FBXO38: variants seen among roughly 807,000 people sequenced by gnomAD.
The protein encoded by FBXO38 is F-box only protein 38.
A neutral mutation model predicts 131.9 loss-of-function variants in FBXO38; 53 were observed. That is an observed-to-expected ratio of 0.40 (90% confidence interval 0.32 to 0.51). FBXO38 has a LOEUF of 0.51. FBXO38 is among the 20% of genes least tolerant of loss of function. The pLI, the probability that FBXO38 is intolerant of heterozygous loss-of-function variation, is 0.53. For missense variants in FBXO38, 1,076 were observed against 1,475.6 expected, an observed-to-expected ratio of 0.73 and a Z score of 4.44; for synonymous variants, 452 against 505.6, an observed-to-expected ratio of 0.89 and a Z score of 1.42.
intron 6 of FBXO38, among the ~76,000 whole-genome samples, chr5:148,405,873 C>A (rs571405622): frequency 6.6e-6 from 1 of 152,180 alleles, no homozygotes; most frequent in South Asian, 2.1e-4. Context: ...TGGACAGGAC[C>A]ATATCTTTTG....
In FBXO38 at chr5:148,427,279, A is replaced by G. The variant is rs748950456; in HGVS notation, c.1985A>G (p.Gln662Arg). Residue 662 changes from glutamine (Q) to arginine (R), a missense_variant, in exon 15 of 22, where the codon CAG becomes CGG. This residue lies in a region of FBXO38 where 212 missense variants were observed against 221.2 expected (regional missense o/e 0.96). Transcript: ENST00000340253. ...TCCCATCAGATGGGCCAGTCGAAGC[A>G]GTTTCCCCTCGAGGAAAGCAGCTGT... is the stretch of plus-strand genomic sequence containing the variant. ...YNSHQMGQSK[Q>R]FPLEESSCEK... 10 of 1,614,106 alleles carry G rather than the reference A, an allele frequency of 6.2e-6. No homozygotes were observed. Among genetic ancestry groups the G allele is most frequent in the Non-Finnish European group, 8.5e-6 (10 of 1,180,032 alleles).
At position 148,399,141 on chromosome 5, in the gene FBXO38, A is replaced by T. The variant is rs778024487; in HGVS notation, c.262+9A>T. The T allele has an allele frequency of 3.7e-6, 6 of 1,612,468 alleles. No individual in the cohort carries two copies. The African/African-American group carries it at 8.0e-5, about 22-fold the overall frequency. ...GGAATACATGCCAAGTGGTAAGTGG[A>T]TTTAGTCTGTGAAGTACAGTAGTGT... On this transcript the variant is annotated intron_variant, in intron 3 of 21. Transcript: ENST00000340253.
intron 1 of FBXO38, among the ~76,000 whole-genome samples, chr5:148,389,011 T>C (rs920267049): frequency 2.0e-5 from 3 of 152,222 alleles, no homozygotes; most frequent in Non-Finnish European, 4.4e-5. Context: ...GAGGCCGTTG[T>C]AGAGTTCTTA....
At chr5:148,407,192 A>C (rs1752489334) in intron 7 of FBXO38, among the ~76,000 whole-genome samples, 1 of 152,238 alleles carries the variant, frequency 6.6e-6, no homozygotes, top group Non-Finnish European at 1.5e-5. Flanking sequence ...CAACCCCTTA[A>C]AACCAACAGT....
At chr5:148,392,690 G>T (rs1194922874) in intron 1 of FBXO38, among the ~76,000 whole-genome samples, 4 of 150,928 alleles carry the variant, frequency 2.7e-5, no homozygotes, top group African/African-American at 9.8e-5. Context: ...GGATAAATTA[G>T]CAAAGGAGAC....
At chr5:148,423,792 A>G (rs1243449811) in intron 12 of FBXO38, 3 of 344,220 alleles carry the variant, frequency 8.7e-6, no homozygotes, top group Non-Finnish European at 1.6e-5. Flanking sequence ...ATCCTTTCCC[A>G]TCTGTGATTT....
At chr5:148,427,080 C>G in intron 14 of FBXO38, 133 bp from the exon 15 acceptor site, 3 of 1,042,840 alleles carry the variant, frequency 2.9e-6, no homozygotes, top group Non-Finnish European at 4.1e-6. Flanking sequence ...GTGATGTGAT[C>G]ACAGTTATAC....
At chr5:148,421,764 A>G (rs767815888) in intron 12 of FBXO38, among the ~76,000 whole-genome samples, 1 of 152,220 alleles carries the variant, frequency 6.6e-6, no homozygotes, top group African/African-American at 2.4e-5. Context: ...TCACTAGCCC[A>G]GGGGCATCAC....
chr5:148,433,276 G>A (rs971735686), intron 15 of FBXO38, 148 bp from the exon 16 acceptor site: 3 of 600,204 alleles, frequency 5.0e-6, no homozygotes, highest in African/African-American at 3.7e-5. Flanking sequence ...CAATCCACTG[G>A]AAATACCAAT....
intron 1 of FBXO38, among the ~76,000 whole-genome samples, chr5:148,390,535 C>T (rs1758147454): frequency 6.6e-6 from 1 of 152,128 alleles, no homozygotes; most frequent in Admixed American, 6.5e-5. Context: ...ATAGTTTTAC[C>T]TAAAATTTTG....
rs574674298 is a variant in FBXO38, at chr5:148,424,089, T to C, written c.1710T>C (p.Ile570=). 2.5e-6 allele frequency: 4 copies of C among 1,613,644 alleles called. No homozygotes were observed. In the South Asian group the frequency reaches 4.4e-5, roughly 18 times the overall value. The change falls in exon 13 of 22, where the codon ATT becomes ATC. Residue 570 remains isoleucine, a synonymous_variant. Coordinates refer to ENST00000340253, the MANE Select transcript of FBXO38 (RefSeq NM_205836.3). ...CTCCAGCTCACAGCCAGGCAATTAT[T>C]CCTGTGGATGTTGATGAGGAACAAG... ...NNTPAHSQAI[I]PVDVDEEQAG...
chr5:148,417,481 T>C (rs1470474982), intron 12 of FBXO38, among the ~76,000 whole-genome samples: 1 of 152,182 alleles, frequency 6.6e-6, no homozygotes, highest in Non-Finnish European at 1.5e-5. Context: ...TCTTGAGGTC[T>C]GAGACTTAAC....
Position 148,427,422 on chromosome 5 carries a change from A to G in FBXO38, c.2128A>G (p.Ser710Gly), listed in dbSNP as rs2113627979. Residue 710 changes from serine to glycine, a missense_variant, in exon 15 of 22, where the codon AGC becomes GGC. Physicochemically the swap from Ser to Gly is moderately conservative, Grantham distance 56. This residue lies in a region of FBXO38 where 213 missense variants were observed against 225.2 expected (regional missense o/e 0.95). Transcript: ENST00000340253. ...VYPSCSSTTA[S>G]TVGNSSSHNT... ...TCCCAGCTGCAGCAGCACCACCGCC[A>G]GCACAGTGGGAAACTCCAGCTCACA... 4.3e-6 allele frequency: 7 copies of G among 1,614,202 alleles called. No individual in the cohort carries two copies. The highest frequency in any genetic ancestry group is 5.9e-6 in the Non-Finnish European group (7 of 1,180,036).
At chr5:148,431,283 G>T (rs1262899154) in intron 15 of FBXO38, among the ~76,000 whole-genome samples, 9 of 152,166 alleles carry the variant, frequency 5.9e-5, no homozygotes, top group Admixed American at 4.6e-4. Flanking sequence ...AAACAGGGAG[G>T]GAGGCATAAG....
intron 17 of FBXO38, among the ~76,000 whole-genome samples, chr5:148,435,514 G>A (rs1007252809): frequency 3.3e-5 from 5 of 152,198 alleles, no homozygotes; most frequent in Non-Finnish European, 7.3e-5. Flanking sequence ...CTTTACGCCT[G>A]TAATCCCAGC....
At chr5:148,425,789 T>A in intron 14 of FBXO38, 88 bp downstream of exon 14, 1 of 1,113,174 alleles carries the variant, frequency 9.0e-7, no homozygotes, top group Non-Finnish European at 1.3e-6. Context: ...TGGGTGCAGT[T>A]AACATATATT....
At chr5:148,436,028 T>C (rs1333964851) in intron 17 of FBXO38, among the ~76,000 whole-genome samples, 2 of 152,128 alleles carry the variant, frequency 1.3e-5, no homozygotes, top group Admixed American at 6.5e-5. Flanking sequence ...TCAGAGATCA[T>C]TGATCATAGA....
chr5:148,396,630 C>T (rs1033002443), intron 2 of FBXO38, among the ~76,000 whole-genome samples: 1 of 152,204 alleles, frequency 6.6e-6, no homozygotes, highest in East Asian at 1.9e-4. Context: ...AAAAATTGGA[C>T]AATATATAAT....
Position 148,438,609 on chromosome 5 carries a change from T to C in FBXO38, c.3024+111T>C, listed in dbSNP as rs1044944941. On this transcript the variant is annotated intron_variant, in intron 18 of 21. Coordinates refer to ENST00000340253, the MANE Select transcript of FBXO38 (RefSeq NM_205836.3). Reference sequence around the variant, plus strand: ...TTGGCATTCATTCACTTGCCCAACCTACAGTAATGATATTTTAGTTTTTAC... The same window carrying C: ...TTGGCATTCATTCACTTGCCCAACCCACAGTAATGATATTTTAGTTTTTAC... The C allele has an allele frequency of 7.2e-6, 8 of 1,107,162 alleles. No homozygotes were observed. The Middle Eastern group carries it at 6.2e-4, about 86-fold the overall frequency. The allele number at this position is 1,107,162 out of a possible 1,614,324, so 68.6% of individuals were successfully genotyped here.
Sources: allele counts gnomAD v4.1 joint callset (sites outside exome capture counted in the v4.1 genomes callset), GRCh38; gene constraint gnomAD v4.1.1; regional missense constraint gnomAD v4.1.1; transcripts MANE v1.5; gene names NCBI Gene and HGNC (gene_info 2026-07-23, HGNC 2026-07-21).